DICER1: variants seen among roughly 807,000 people sequenced by gnomAD.
The protein encoded by DICER1 is dicer 1, ribonuclease III.
DICER1 carries 43 observed loss-of-function variants against 194.1 expected under a neutral mutation model. The ratio of observed to expected loss-of-function variants is 0.22; its 90% CI spans 0.17 to 0.29. The LOEUF (loss-of-function observed/expected upper bound fraction) is 0.29. Among genes scored for constraint, DICER1 ranks in the 10% least tolerant of loss-of-function variants. The probability of loss-of-function intolerance (pLI) is 1.00; values close to 1 mark genes in which losing one functional copy is unlikely to be tolerated. For synonymous variants in DICER1, 832 were observed against 820.5 expected (o/e 1.01, Z -0.24); for missense variants, 1,608 against 2,317.0 (o/e 0.69, Z 6.28).
chr14:95,156,822 C>G (rs1174646536), intron 1 of DICER1, among the ~76,000 whole-genome samples: 3 of 152,148 alleles, frequency 2.0e-5, no homozygotes, highest in Non-Finnish European at 2.9e-5. Flanking sequence ...CCAGGGTGCT[C>G]CGGCAGGTCA....
intron 1 of DICER1, among the ~76,000 whole-genome samples, chr14:95,143,574 TAA>T (rs1342936087): frequency 6.6e-6 from 1 of 152,084 alleles, no homozygotes; most frequent in Non-Finnish European, 1.5e-5. Context: ...CCTCTAGTCA[TAA>T]AAATGTGAAA....
chr14:95,156,226 G>A (rs1895852903), intron 1 of DICER1, among the ~76,000 whole-genome samples: 1 of 152,202 alleles, frequency 6.6e-6, no homozygotes, highest in Admixed American at 6.5e-5. Flanking sequence ...GCACCACGAA[G>A]ACACCTGACA....
intron 1 of DICER1, 113 bp from the exon 2 acceptor site, chr14:95,133,616 C>T (rs1414768445): frequency 2.0e-5 from 16 of 815,550 alleles, no homozygotes; most frequent in Non-Finnish European, 2.9e-5. Flanking sequence ...TCAAACTCTT[C>T]CTATAATTGT....
intron 21 of DICER1, among the ~76,000 whole-genome samples, chr14:95,101,010 G>A (rs927351477): frequency 2.0e-5 from 3 of 152,068 alleles, no homozygotes; most frequent in Non-Finnish European, 2.9e-5. Flanking sequence ...GCCAAGAAGA[G>A]GATAAAGTAC....
intron 1 of DICER1, among the ~76,000 whole-genome samples, chr14:95,140,341 G>A (rs1894748685): frequency 1.3e-5 from 2 of 152,178 alleles, no homozygotes; most frequent in South Asian, 2.1e-4. Flanking sequence ...CCTTTTCTAT[G>A]CTTAGGTATA....
chr14:95,152,900 T>C (rs945321874), intron 1 of DICER1, among the ~76,000 whole-genome samples: 4 of 152,218 alleles, frequency 2.6e-5, no homozygotes, highest in African/African-American at 9.6e-5. Flanking sequence ...TCTTACTTTT[T>C]AGACCAACAC....
Position 95,133,244 on chromosome 14 carries a change from T to A in DICER1, c.144+71A>T, listed in dbSNP as rs529795565. The A allele has an allele frequency of 5.1e-5, 78 of 1,532,854 alleles. No homozygotes were observed. In the African/African-American group the frequency reaches 9.3e-4, roughly 18 times the overall value. The allele number at this position is 1,532,854 out of a possible 1,614,324, so 95.0% of individuals were successfully genotyped here. ...AAAGGGTAAATGAGTTTTATATAAG[T>A]TGTGTCAACTATATGCTAATGTATT... On this transcript the variant is annotated intron_variant, in intron 2 of 26. Transcript: ENST00000343455.
chr14:95,097,234 T>C (rs1269952633), intron 22 of DICER1, among the ~76,000 whole-genome samples: 1 of 152,244 alleles, frequency 6.6e-6, no homozygotes, highest in East Asian at 1.9e-4. Flanking sequence ...AATCATTTTT[T>C]AAAATGTACA....
intron 1 of DICER1, chr14:95,136,806 C>G (rs1894408217): frequency 6.6e-6 from 1 of 152,220 alleles, no homozygotes; most frequent in Non-Finnish European, 1.5e-5. Context: ...TAGGATGAAA[C>G]CAGCACCGCA....
intron 1 of DICER1, among the ~76,000 whole-genome samples, chr14:95,135,660 T>C (rs1196731854): frequency 1.3e-5 from 2 of 152,206 alleles, no homozygotes; most frequent in Non-Finnish European, 2.9e-5. Context: ...GACATAAAGA[T>C]GGAAATAACA....
At chr14:95,129,378 A>G (rs1333879651) in intron 6 of DICER1, 94 bp downstream of exon 6, 2 of 1,189,650 alleles carry the variant, frequency 1.7e-6, no homozygotes, top group Non-Finnish European at 2.5e-6. Context: ...GTTCACTTAA[A>G]TAGGTACTCT....
intron 12 of DICER1, 38 bp downstream of exon 12, chr14:95,113,054 T>C (rs1892118158): frequency 1.2e-6 from 2 of 1,605,396 alleles, no homozygotes; most frequent in Non-Finnish European, 1.7e-6. Context: ...TAATGACACA[T>C]TTTAAAAGAT....
intron 1 of DICER1, among the ~76,000 whole-genome samples, chr14:95,143,432 T>C (rs1247940193): frequency 6.6e-6 from 1 of 152,138 alleles, no homozygotes; most frequent in Non-Finnish European, 1.5e-5. Flanking sequence ...TTTAAGTCTC[T>C]AGTCTTATAA....
In DICER1 at chr14:95,131,536, T is replaced by C. The variant is rs749185409; in HGVS notation, c.411A>G (p.Arg137=). 1.2e-5 allele frequency: 20 copies of C among 1,613,632 alleles called. No individual in the cohort carries two copies. In the South Asian group the frequency reaches 2.1e-4, roughly 17 times the overall value. The change falls in exon 4 of 27, where the codon AGA becomes AGG. Residue 137 remains arginine, a synonymous_variant. Coordinates refer to ENST00000343455, the MANE Select transcript of DICER1 (RefSeq NM_177438.3). The part of the protein sequence containing the change: ...LEVNASWTKE[R]WNQEFTKHQV... ...GGTGCTTAGTAAACTCTTGGTTCCATCTCTCTTTTGTCCAAGATGCATTTA... is the reference window on the plus strand; with the variant it reads ...GGTGCTTAGTAAACTCTTGGTTCCACCTCTCTTTTGTCCAAGATGCATTTA...
chr14:95,154,272 C>T (rs1895700059), intron 1 of DICER1, among the ~76,000 whole-genome samples: 1 of 152,118 alleles, frequency 6.6e-6, no homozygotes, highest in Non-Finnish European at 1.5e-5. Flanking sequence ...CTTGGAGGAA[C>T]CCTGAGAAAA....
In DICER1 at chr14:95,115,721, G is replaced by C. The variant is rs1555372566; in HGVS notation, c.1853C>G (p.Pro618Arg). 5.6e-6 allele frequency: 9 copies of C among 1,614,058 alleles called. No individual in the cohort carries two copies. Among genetic ancestry groups the C allele is most frequent in the Non-Finnish European group, 7.6e-6 (9 of 1,179,990 alleles). ...DDVFPPYVLRPDDGGPRVTIN... is the reference protein window; with the variant it reads ...DDVFPPYVLRRDDGGPRVTIN... ...TGTGACTCGTGGACCACCATCGTCAGGCCTCAACACATATGGTGGGAAAAC... is the reference window on the plus strand; with the variant it reads ...TGTGACTCGTGGACCACCATCGTCACGCCTCAACACATATGGTGGGAAAAC... The change falls in exon 11 of 27, where the codon CCT becomes CGT. Residue 618 changes from proline (P) to arginine (R), a missense_variant. Physicochemically the swap from Pro to Arg is moderately radical, Grantham distance 103 (BLOSUM62 -2). Transcript: ENST00000343455.
chr14:95,094,800 T>C (rs923641766), intron 23 of DICER1, among the ~76,000 whole-genome samples: 1 of 152,158 alleles, frequency 6.6e-6, no homozygotes, highest in Non-Finnish European at 1.5e-5. Flanking sequence ...GTGAAAATGA[T>C]CAATGTTAAA....
intron 17 of DICER1, among the ~76,000 whole-genome samples, chr14:95,107,274 CAG>C (rs1891508363): frequency 6.8e-6 from 1 of 146,232 alleles, no homozygotes. Context: ...TTTTTTGAGA[CAG>C]AGTCTTGGTG....
chr14:95,112,101 C>T, intron 13 of DICER1, 71 bp downstream of exon 13: 1 of 1,321,732 alleles, frequency 7.6e-7, no homozygotes, highest in Non-Finnish European at 1.1e-6. Flanking sequence ...TCTATAAAGT[C>T]CTCTATATGC....
Sources: allele counts gnomAD v4.1 joint callset (sites outside exome capture counted in the v4.1 genomes callset), GRCh38; gene constraint gnomAD v4.1.1; transcripts MANE v1.5; gene names NCBI Gene and HGNC (gene_info 2026-07-23, HGNC 2026-07-21).